The following KIF6 variants were observed in gnomAD, a reference collection of about 807,000 sequenced individuals.
KIF6 encodes the protein kinesin-like protein KIF6.
Under a neutral mutation model 112.7 loss-of-function variants are expected in KIF6, and 106 were observed. The observed-to-expected ratio is 0.94, with a 90% CI of 0.80 to 1.11. The LOEUF (loss-of-function observed/expected upper bound fraction) is 1.11. Among genes scored for constraint, KIF6 ranks in the 50% least tolerant of loss-of-function variants. KIF6 has a pLI of 0.00. For missense variants in KIF6, 929 were observed against 964.0 expected (o/e 0.96, Z 0.48); for synonymous variants, 339 against 339.9 (o/e 1.00, Z 0.03).
intron 15 of KIF6, among the ~76,000 whole-genome samples, chr6:39,400,610 T>C (rs960388273): frequency 2.0e-5 from 3 of 152,166 alleles, no homozygotes; most frequent in Non-Finnish European, 4.4e-5. Context: ...GAGATAGTTC[T>C]TGCTTTGGGG....
rs188940722 is a variant in KIF6 at position 39,543,135 on chromosome 6, C to G, written c.1426+1420G>C. On this transcript the variant is annotated intron_variant, in intron 12 of 22. Coordinates refer to ENST00000287152, the MANE Select transcript of KIF6 (RefSeq NM_145027.6). ...CTCTGTCATATCTCATTTCATCCCT[C>G]CTATATGCACAGACATTCATAAGCC... Among the ~76,000 whole-genome samples the G allele has an allele frequency of 3.8e-3, 578 of 152,244 alleles. 2 individuals are homozygous for G. The highest frequency in any genetic ancestry group is 8.1e-3 in the South Asian group (39 of 4,814).
At chr6:39,347,267 A>C (rs1187037217) in intron 19 of KIF6, among the ~76,000 whole-genome samples, 1 of 151,740 alleles carries the variant, frequency 6.6e-6, no homozygotes, top group Non-Finnish European at 1.5e-5. Context: ...ACTGGGCTTG[A>C]CTCTGTGGCA....
chr6:39,417,753 G>A (rs1452055740), intron 15 of KIF6, among the ~76,000 whole-genome samples: 1 of 152,026 alleles, frequency 6.6e-6, no homozygotes, highest in Non-Finnish European at 1.5e-5. Flanking sequence ...AAAAAACTAA[G>A]TATATTAGTA....
intron 14 of KIF6, among the ~76,000 whole-genome samples, chr6:39,423,834 A>G (rs1201479210): frequency 6.6e-6 from 1 of 152,078 alleles, no homozygotes; most frequent in East Asian, 1.9e-4. Context: ...CTTAGCTCCA[A>G]CTGCCTGAGA....
chr6:39,427,094 A>G (rs1581831181), intron 14 of KIF6, among the ~76,000 whole-genome samples: 1 of 152,088 alleles, frequency 6.6e-6, no homozygotes, highest in Admixed American at 6.5e-5. Context: ...CTGGTTGCTG[A>G]GGTCTATTGG....
chr6:39,659,076 C>A (rs528744377), intron 3 of KIF6, among the ~76,000 whole-genome samples: 1 of 152,304 alleles, frequency 6.6e-6, no homozygotes, highest in East Asian at 1.9e-4. Flanking sequence ...GTCAAGAAAT[C>A]TTCCCAATAT....
intron 13 of KIF6, among the ~76,000 whole-genome samples, chr6:39,518,603 T>C (rs1212558143): frequency 6.6e-6 from 1 of 152,204 alleles, no homozygotes; most frequent in Non-Finnish European, 1.5e-5. Context: ...TGATCACAAA[T>C]ATATATTTCT....
chr6:39,580,981 T>A (rs192203283), intron 9 of KIF6, among the ~76,000 whole-genome samples: 1 of 152,216 alleles, frequency 6.6e-6, no homozygotes, highest in African/African-American at 2.4e-5. Flanking sequence ...TTCATGATAG[T>A]ACATGTCATA....
chr6:39,391,887 A>G (rs1343656521), intron 15 of KIF6, among the ~76,000 whole-genome samples: 1 of 152,080 alleles, frequency 6.6e-6, no homozygotes, highest in African/African-American at 2.4e-5. Context: ...TCTGGTATGT[A>G]TGTTTGTATG....
At chr6:39,382,342 C>T (rs1322116261) in intron 16 of KIF6, among the ~76,000 whole-genome samples, 1 of 152,090 alleles carries the variant, frequency 6.6e-6, no homozygotes, top group Non-Finnish European at 1.5e-5. Flanking sequence ...TTTGGAGTCT[C>T]TGGTGTTTGT....
intron 9 of KIF6, among the ~76,000 whole-genome samples, chr6:39,578,554 A>G (rs1781110219): frequency 6.6e-6 from 1 of 152,036 alleles, no homozygotes; most frequent in African/African-American, 2.4e-5. Flanking sequence ...GATGGTCTCA[A>G]TCTCCTGACC....
intron 13 of KIF6, among the ~76,000 whole-genome samples, chr6:39,433,641 T>C (rs1771317300): frequency 6.6e-6 from 1 of 152,216 alleles, no homozygotes; most frequent in South Asian, 2.1e-4. Flanking sequence ...GAATGATGGC[T>C]ATTATCTTGT....
intron 13 of KIF6, among the ~76,000 whole-genome samples, chr6:39,515,651 G>A (rs1777044884): frequency 6.6e-6 from 1 of 152,130 alleles, no homozygotes; most frequent in South Asian, 2.1e-4. Flanking sequence ...CGACTAACAT[G>A]TCATCACAAA....
intron 3 of KIF6, among the ~76,000 whole-genome samples, chr6:39,646,756 C>T (rs1480325638): frequency 6.6e-6 from 1 of 152,164 alleles, no homozygotes; most frequent in Non-Finnish European, 1.5e-5. Context: ...AACATCTTTG[C>T]ATAAATCAAC....
chr6:39,521,445 T>C (rs1252631449), intron 13 of KIF6, among the ~76,000 whole-genome samples: 1 of 152,134 alleles, frequency 6.6e-6, no homozygotes, highest in East Asian at 1.9e-4. Flanking sequence ...CCCATATCTA[T>C]GAAGCCGCAA....
intron 5 of KIF6, chr6:39,620,301 A>AT (rs1311639527): frequency 6.6e-6 from 1 of 152,062 alleles, no homozygotes; most frequent in Non-Finnish European, 1.5e-5. Flanking sequence ...GTTTTCTCCC[A>AT]TTTTTACTAA....
intron 22 of KIF6, among the ~76,000 whole-genome samples, chr6:39,337,172 C>CTTCTTTCTTTCTTTCCTTCTTTCTTTCT (rs1763015253): frequency 1.7e-4 from 10 of 59,510 alleles, no homozygotes; most frequent in African/African-American, 4.5e-4. Flanking sequence ...TCTTTCCTTC[C>CTTCTTTCTTTCTTTCCTTCTTTCTTTCT]TTCTTTCTTT....
intron 13 of KIF6, among the ~76,000 whole-genome samples, chr6:39,467,622 C>T (rs1372594069): frequency 6.6e-6 from 1 of 152,150 alleles, no homozygotes; most frequent in Non-Finnish European, 1.5e-5. Context: ...TTAGACTTCA[C>T]TGAGATAGTC....
intron 6 of KIF6, among the ~76,000 whole-genome samples, chr6:39,597,140 G>A (rs551963254): frequency 7.2e-5 from 11 of 152,128 alleles, no homozygotes; most frequent in African/African-American, 2.7e-4. Flanking sequence ...ATATGTAAAT[G>A]TCTATATATT....
Sources: allele counts gnomAD v4.1 joint callset (sites outside exome capture counted in the v4.1 genomes callset), GRCh38; gene constraint gnomAD v4.1.1; transcripts MANE v1.5; gene names NCBI Gene and HGNC (gene_info 2026-07-23, HGNC 2026-07-21).